The following GUCY1A2 variants were observed in gnomAD, a reference collection of about 807,000 sequenced individuals.
GUCY1A2 encodes guanylate cyclase soluble subunit alpha-2.
In GUCY1A2, 27 loss-of-function variants were observed where a neutral mutation model predicts 63.5. That is an observed-to-expected ratio of 0.43 (90% CI 0.31 to 0.59). The LOEUF is 0.59. Ranked by LOEUF, GUCY1A2 falls within the 20% of genes least tolerant of loss-of-function variation. The pLI, the probability that GUCY1A2 is intolerant of heterozygous loss-of-function variation, is 0.11. For missense variants in GUCY1A2, 768 were observed against 913.3 expected (o/e 0.84, Z 2.05); for synonymous variants, 364 against 343.5 (o/e 1.06, Z -0.66).
At chr11:106,801,824 G>A (rs1457512471) in intron 5 of GUCY1A2, among the ~76,000 whole-genome samples, 2 of 151,904 alleles carry the variant, frequency 1.3e-5, no homozygotes, top group Admixed American at 6.6e-5. Context: ...AACATCTCAC[G>A]TACTCCATAA....
chr11:106,848,699 C>A (rs999149992), intron 4 of GUCY1A2, among the ~76,000 whole-genome samples: 2 of 151,496 alleles, frequency 1.3e-5, no homozygotes, highest in African/African-American at 4.8e-5. Flanking sequence ...GACAGACATT[C>A]CAAAAGAATA....
chr11:106,967,463 GT>G (rs1861140616), intron 3 of GUCY1A2, among the ~76,000 whole-genome samples: 1 of 152,018 alleles, frequency 6.6e-6, no homozygotes, highest in Admixed American at 6.6e-5. Context: ...TCTGACATTA[GT>G]TTGAACAAAA....
chr11:106,830,006 C>T (rs1048638229), intron 4 of GUCY1A2, among the ~76,000 whole-genome samples: 11 of 152,162 alleles, frequency 7.2e-5, no homozygotes, highest in African/African-American at 2.4e-4. Context: ...GTCATCAATA[C>T]CAGCTACGAC....
intron 3 of GUCY1A2, among the ~76,000 whole-genome samples, chr11:106,970,144 T>A (rs1334498247): frequency 6.6e-6 from 1 of 152,064 alleles, no homozygotes; most frequent in Non-Finnish European, 1.5e-5. Flanking sequence ...AAGCTGGGGG[T>A]TAGGAGAGCA....
At chr11:106,909,618 T>TGA (rs1860265029) in intron 4 of GUCY1A2, among the ~76,000 whole-genome samples, 5 of 151,896 alleles carry the variant, frequency 3.3e-5, no homozygotes, top group Non-Finnish European at 7.4e-5. Flanking sequence ...TATCTAATCT[T>TGA]TCAGGGCTGT....
At chr11:107,017,673 G>C in intron 1 of GUCY1A2, 80 bp downstream of exon 1, 1 of 834,494 alleles carries the variant, frequency 1.2e-6, no homozygotes, top group South Asian at 3.4e-5. Context: ...CTGCGCTCGC[G>C]CCCCGGCTCG....
chr11:106,927,090 G>A (rs1349234227), intron 4 of GUCY1A2, among the ~76,000 whole-genome samples: 2 of 151,568 alleles, frequency 1.3e-5, no homozygotes, highest in Non-Finnish European at 2.9e-5. Flanking sequence ...ATCAAGATTA[G>A]AGGCCGGGTG....
intron 6 of GUCY1A2, among the ~76,000 whole-genome samples, chr11:106,771,124 G>A (rs987302955): frequency 1.3e-5 from 2 of 151,972 alleles, no homozygotes; most frequent in Non-Finnish European, 2.9e-5. Flanking sequence ...GCCTTAAATC[G>A]TGAAAATGCT....
At chr11:106,763,016 T>C (rs1443742247) in intron 6 of GUCY1A2, among the ~76,000 whole-genome samples, 1 of 152,094 alleles carries the variant, frequency 6.6e-6, no homozygotes, top group Non-Finnish European at 1.5e-5. Flanking sequence ...ATTATATTTA[T>C]GAGTTATTTT....
chr11:106,804,144 A>G (rs1017814331), intron 5 of GUCY1A2, among the ~76,000 whole-genome samples: 3 of 152,224 alleles, frequency 2.0e-5, no homozygotes, highest in African/African-American at 7.2e-5. Flanking sequence ...TGAGTTGTAA[A>G]TGTTTATTGA....
At chr11:106,828,287 A>G (rs1203870358) in intron 4 of GUCY1A2, among the ~76,000 whole-genome samples, 1 of 96,412 alleles carries the variant, frequency 1.0e-5, no homozygotes, top group African/African-American at 4.0e-5. Context: ...ATGTTCAGAA[A>G]AGCTTTTCCT....
chr11:106,686,320 C>T lies in GUCY1A2; in HGVS notation c.*1229G>A. 1 of 219,672 alleles carries T rather than the reference C, an allele frequency of 4.6e-6. No homozygotes were observed. Among genetic ancestry groups the T allele is most frequent in the East Asian group, 6.7e-5 (1 of 14,960 alleles). 13.6% of individuals were successfully genotyped at this position (219,672 alleles called of 1,614,324 possible). ...TGATTACTAGTTCTGAAGATTATAC[C>T]TACTTCAGTATTCATGAAAGTGATT... On this transcript the variant is annotated 3_prime_UTR_variant, in exon 8 of 8. Coordinates refer to ENST00000526355, the MANE Select transcript of GUCY1A2 (RefSeq NM_000855.3).
intron 4 of GUCY1A2, among the ~76,000 whole-genome samples, chr11:106,812,469 AT>A (rs569722533): frequency 2.8e-4 from 42 of 150,154 alleles, no homozygotes; most frequent in African/African-American, 1.0e-3. Context: ...CTCTACTCTC[AT>A]TTTTTTCCAT....
chr11:106,746,483 G>T, intron 6 of GUCY1A2: 1 of 771,602 alleles, frequency 1.3e-6, no homozygotes, highest in Non-Finnish European at 2.2e-6. Flanking sequence ...ACTCAAGGAA[G>T]TAAGTAATAA....
intron 3 of GUCY1A2, among the ~76,000 whole-genome samples, chr11:106,968,731 A>T (rs1861157474): frequency 6.6e-6 from 1 of 152,292 alleles, no homozygotes; most frequent in Non-Finnish European, 1.5e-5. Context: ...CTCACATCCC[A>T]TACCATTCCC....
intron 5 of GUCY1A2, among the ~76,000 whole-genome samples, chr11:106,787,168 ACT>A (rs1864570575): frequency 6.6e-6 from 1 of 151,494 alleles, no homozygotes; most frequent in Non-Finnish European, 1.5e-5. Context: ...ATATAATTAT[ACT>A]CTTAGTTATT....
chr11:106,924,007 C>T (rs1046799516), intron 4 of GUCY1A2, among the ~76,000 whole-genome samples: 4 of 151,938 alleles, frequency 2.6e-5, no homozygotes, highest in East Asian at 1.9e-4. Flanking sequence ...AAATCTTTGA[C>T]GAATGTTACA....
At position 106,690,632 on chromosome 11, in the gene GUCY1A2, C is replaced by T. The variant is rs190563002; in HGVS notation, c.1992-2876G>A. 1.2e-3 allele frequency among the ~76,000 whole-genome samples: 180 copies of T among 152,286 alleles called. 1 individual carries two copies. Among genetic ancestry groups the T allele is most frequent in the African/African-American group, 4.2e-3 (174 of 41,562 alleles). On this transcript the variant is annotated intron_variant, in intron 7 of 7. Transcript: ENST00000526355. ...ATCTGTACAACGAACCCCCATGACA[C>T]TCATTTACAAATGTATGTAAGTATG...
intron 6 of GUCY1A2, among the ~76,000 whole-genome samples, chr11:106,727,306 G>C (rs1336115334): frequency 6.6e-6 from 1 of 152,180 alleles, no homozygotes; most frequent in Non-Finnish European, 1.5e-5. Context: ...AGATTCAAGA[G>C]CTGTCCAAAT....
Sources: gnomAD v4.1 joint callset for allele counts (sites outside exome capture counted in the v4.1 genomes callset) on GRCh38, gnomAD v4.1.1 for gene constraint, MANE v1.5 for transcripts, NCBI Gene and HGNC (gene_info 2026-07-23, HGNC 2026-07-21) for gene names.